HP1BP3: variants seen among roughly 807,000 people sequenced by gnomAD.
The protein encoded by HP1BP3 is heterochromatin protein 1 binding protein 3, also known as heterochromatin protein 1-binding protein 3.
In HP1BP3, 12 loss-of-function variants were observed where a neutral mutation model predicts 62.5. The observed-to-expected ratio is 0.19, with a 90% CI of 0.12 to 0.31. The LOEUF is 0.31. HP1BP3 is among the 10% of genes least tolerant of loss of function. The pLI is 1.00. For missense variants in HP1BP3, 502 were observed against 651.8 expected, an observed-to-expected ratio of 0.77 and a Z score of 2.50; for synonymous variants, 260 against 237.8, an observed-to-expected ratio of 1.09 and a Z score of -0.86.
At chr1:20,760,293 C>T (rs1202041685) in intron 8 of HP1BP3, among the ~76,000 whole-genome samples, 3 of 151,830 alleles carry the variant, frequency 2.0e-5, no homozygotes, top group Non-Finnish European at 4.4e-5. Flanking sequence ...AATCCCAACA[C>T]CTGGGTGGCC....
intron 4 of HP1BP3, chr1:20,775,788 A>G: frequency 1.9e-6 from 1 of 518,466 alleles, no homozygotes; most frequent in Non-Finnish European, 3.3e-6. Context: ...GTAGCCTAGA[A>G]GCAACAGACT....
At chr1:20,780,976 T>C (rs988373642) in intron 1 of HP1BP3, among the ~76,000 whole-genome samples, 1 of 152,144 alleles carries the variant, frequency 6.6e-6, no homozygotes, top group African/African-American at 2.4e-5. Context: ...AAGTACTTTT[T>C]TTTTCCTTCT....
At chr1:20,785,680 C>A (rs182580052) in intron 1 of HP1BP3, among the ~76,000 whole-genome samples, 1 of 152,126 alleles carries the variant, frequency 6.6e-6, no homozygotes, top group African/African-American at 2.4e-5. Flanking sequence ...AACTTTCATC[C>A]GGAAATGAAG....
At chr1:20,762,243 T>C (rs1403993659) in intron 8 of HP1BP3, among the ~76,000 whole-genome samples, 1 of 152,144 alleles carries the variant, frequency 6.6e-6, no homozygotes, top group African/African-American at 2.4e-5. Context: ...AAAAAGGCCA[T>C]GAGAAAAGGT....
chr1:20,771,366 G>A (rs767302588), intron 5 of HP1BP3, among the ~76,000 whole-genome samples: 17 of 152,252 alleles, frequency 1.1e-4, no homozygotes, highest in Middle Eastern at 6.8e-3. Flanking sequence ...TCTGTATTTA[G>A]AAGATGAATC....
At position 20,779,855 on chromosome 1, in the gene HP1BP3, A is replaced by T; in HGVS notation, c.153T>A (p.Thr51=). 1.9e-6 allele frequency: 3 copies of T among 1,613,286 alleles called. No homozygotes were observed. The highest frequency in any genetic ancestry group is 2.5e-6 in the Non-Finnish European group (3 of 1,179,770). The change falls in exon 3 of 13, where the codon ACT becomes ACA. Residue 51 remains threonine, a synonymous_variant. Coordinates refer to ENST00000438032, the MANE Select transcript of HP1BP3 (RefSeq NM_001372052.1). ...IRRTVNSTRE[T]PPKSKLAEGE... ...CTTCAGCAAGCTTGCTTTTGGGAGG[A>T]GTTTCCCGGGTAGAATTCACAGTTC...
intron 9 of HP1BP3, among the ~76,000 whole-genome samples, chr1:20,753,100 C>T (rs2055878338): frequency 6.6e-6 from 1 of 152,138 alleles, no homozygotes. Flanking sequence ...TGCCACCATG[C>T]CCGGCTAATT....
chr1:20,744,820 T>G lies in HP1BP3; in HGVS notation c.1639A>C (p.Lys547Gln). The change falls in exon 13 of 13, where the codon AAG becomes CAG. Residue 547 changes from lysine (K) to glutamine (Q), a missense_variant. Physicochemically the swap from Lys to Gln is moderately conservative, Grantham distance 53. This residue lies in a region of HP1BP3 where 194 missense variants were observed against 207.0 expected (regional missense o/e 0.94). Coordinates refer to ENST00000438032, the MANE Select transcript of HP1BP3 (RefSeq NM_001372052.1). ...LPGKGKSTMK[K>Q]SFRVKK ...ATTTACTTTTTCACTCTGAAAGACT[T>G]CTTCATGGTGGATTTGCCCTTGCCC... 1 of 1,609,384 alleles carries G rather than the reference T, an allele frequency of 6.2e-7. No individual in the cohort carries two copies. The highest frequency in any genetic ancestry group is 1.3e-5 in the African/African-American group (1 of 74,636).
chr1:20,776,210 A>G (rs1311259120), intron 4 of HP1BP3: 3 of 469,760 alleles, frequency 6.4e-6, no homozygotes, highest in Non-Finnish European at 1.1e-5. Context: ...ACACAAAAAC[A>G]ACCCACTCCT....
At position 20,747,581 on chromosome 1, in the gene HP1BP3, T is replaced by C. The variant is rs745406641; in HGVS notation, c.1216A>G (p.Ser406Gly). 2 of 1,613,774 alleles carry C rather than the reference T, an allele frequency of 1.2e-6. No individual in the cohort carries two copies. Among genetic ancestry groups the C allele is most frequent in the East Asian group, 2.2e-5 (1 of 44,858 alleles). The part of the protein sequence containing the change: ...WMEQISGKGF[S>G]GTFQLCFPYY... ...GGAAAACAGAGCTGGAAGGTGCCAC[T>C]GAACCCTTTCCCAGAGATCTGTTCC... The change falls in exon 11 of 13, where the codon AGT becomes GGT. Residue 406 changes from serine (S) to glycine (G), a missense_variant. Ser to Gly is a moderately conservative substitution (Grantham distance 56). Around this residue, in one of 5 missense-constraint regions of HP1BP3, gnomAD observed 194 missense variants for 207.0 expected, o/e 0.94. Coordinates refer to ENST00000438032, the MANE Select transcript of HP1BP3 (RefSeq NM_001372052.1).
intron 6 of HP1BP3, among the ~76,000 whole-genome samples, chr1:20,769,587 A>AT (rs1424401192): frequency 6.6e-6 from 1 of 151,492 alleles, no homozygotes; most frequent in Non-Finnish European, 1.5e-5. Context: ...TAAAGAAATA[A>AT]TTTTTTTGTA....
Position 20,744,835 on chromosome 1 carries a change from T to C in HP1BP3, c.1624A>G (p.Lys542Glu). The C allele has an allele frequency of 6.2e-7, 1 of 1,613,258 alleles. No individual in the cohort carries two copies. Among genetic ancestry groups the C allele is most frequent in the Non-Finnish European group, 8.5e-7 (1 of 1,179,898 alleles). The change falls in exon 13 of 13, where the codon AAA becomes GAA. Residue 542 changes from lysine to glutamate, a missense_variant. Physicochemically the swap from Lys to Glu is moderately conservative, Grantham distance 56 (BLOSUM62 1). Transcript: ENST00000438032. The stretch of plus-strand genomic sequence containing the variant: ...CTGAAAGACTTCTTCATGGTGGATT[T>C]GCCCTTGCCCGGCAATTTTACTTCC... The part of the protein sequence containing the change: ...RKEVKLPGKG[K>E]STMKKSFRVK...
chr1:20,775,414 T>C (rs1427949298), intron 4 of HP1BP3: 2 of 152,216 alleles, frequency 1.3e-5, no homozygotes, highest in Non-Finnish European at 2.9e-5. Flanking sequence ...GCTTCCTAAG[T>C]AGCTAGGGCT....
At chr1:20,779,060 G>A (rs2057427815) in intron 3 of HP1BP3, among the ~76,000 whole-genome samples, 1 of 152,134 alleles carries the variant, frequency 6.6e-6, no homozygotes, top group Non-Finnish European at 1.5e-5. Flanking sequence ...AAAGTGCTGG[G>A]ATTACAGGTG....
intron 4 of HP1BP3, 55 bp downstream of exon 4, chr1:20,776,542 A>C: frequency 6.8e-7 from 1 of 1,470,030 alleles, no homozygotes; most frequent in Non-Finnish European, 9.3e-7. Flanking sequence ...AATCTAATCT[A>C]AAGTCCTTTT....
At chr1:20,751,065 C>T (rs2055715380) in intron 9 of HP1BP3, among the ~76,000 whole-genome samples, 1 of 152,034 alleles carries the variant, frequency 6.6e-6, no homozygotes, top group Non-Finnish European at 1.5e-5. Context: ...GATCTGCCTG[C>T]CTCGGCCTCC....
In HP1BP3 at chr1:20,742,671, G is replaced by A. The variant is rs1040689459; in HGVS notation, c.*2126C>T. 6.6e-6 allele frequency: 1 copy of A among 152,472 alleles called. No individual in the cohort carries two copies. 9.4% of individuals were successfully genotyped at this position (152,472 alleles called of 1,614,324 possible). ...CTCAAAACCTTTAAATATAAGCTAC[G>A]GTTCAGCAGCTTTTAAAATTTCATG... On this transcript the variant is annotated 3_prime_UTR_variant, in exon 13 of 13. Coordinates refer to ENST00000438032, the MANE Select transcript of HP1BP3 (RefSeq NM_001372052.1).
At chr1:20,756,463 G>A (rs889231195) in intron 9 of HP1BP3, among the ~76,000 whole-genome samples, 1 of 152,022 alleles carries the variant, frequency 6.6e-6, no homozygotes, top group African/African-American at 2.4e-5. Flanking sequence ...CCAGCACTTT[G>A]GGAGGCTGAC....
intron 9 of HP1BP3, among the ~76,000 whole-genome samples, chr1:20,754,025 CAGA>C (rs973057259): frequency 1.4e-4 from 22 of 152,106 alleles, no homozygotes; most frequent in African/African-American, 5.1e-4. Context: ...ATCAGGCAAT[CAGA>C]AGAAGTAAAA....
Sources: gnomAD v4.1 joint callset for allele counts (sites outside exome capture counted in the v4.1 genomes callset) on GRCh38, gnomAD v4.1.1 for gene constraint, gnomAD v4.1.1 regional missense constraint, MANE v1.5 for transcripts, NCBI Gene and HGNC (gene_info 2026-07-23, HGNC 2026-07-21) for gene names.